EPHA5: variants seen among roughly 807,000 people sequenced by gnomAD.
EPHA5 encodes ephrin type-A receptor 5.
A neutral mutation model predicts 105.0 loss-of-function variants in EPHA5; 60 were observed. The observed-to-expected ratio is 0.57, with a 90% CI of 0.46 to 0.71. The LOEUF (loss-of-function observed/expected upper bound fraction) is 0.71, where lower values mean the gene tolerates loss of function less well. Among genes scored for constraint, EPHA5 ranks in the 30% least tolerant of loss-of-function variants. The pLI, the probability that EPHA5 is intolerant of heterozygous loss-of-function variation, is 0.00. For synonymous variants in EPHA5, 513 were observed against 449.1 expected (o/e 1.14, Z -1.80); for missense variants, 1,218 against 1,274.7 (o/e 0.96, Z 0.68).
chr4:65,530,195 A>G (rs908988090), intron 3 of EPHA5, among the ~76,000 whole-genome samples: 2 of 152,144 alleles, frequency 1.3e-5, no homozygotes, highest in Admixed American at 6.5e-5. Context: ...AAATATATGG[A>G]ACTACTGGGA....
intron 3 of EPHA5, among the ~76,000 whole-genome samples, chr4:65,545,395 CGTAT>C (rs768258633): frequency 5.7e-4 from 86 of 151,908 alleles, no homozygotes; most frequent in Non-Finnish European, 1.0e-3. Context: ...CTATGAAGAT[CGTAT>C]GTTGATGTCT....
intron 2 of EPHA5, among the ~76,000 whole-genome samples, chr4:65,608,256 C>A (rs1025279545): frequency 1.3e-5 from 2 of 152,262 alleles, no homozygotes; most frequent in South Asian, 2.1e-4. Context: ...GTAATCCCAG[C>A]ACTTTGGGAG....
In EPHA5 at chr4:65,654,936, GATATATGTATATATATCAAAGC is replaced by G. The variant is rs1382635678; in HGVS notation, c.182-11531_182-11510del. Among the ~76,000 whole-genome samples, 5 of 146,384 alleles carry G rather than the reference GATATATGTATATATATCAAAGC, an allele frequency of 3.4e-5. No individual in the cohort carries two copies. The East Asian group carries it at 1.0e-3, about 29-fold the overall frequency. On this transcript the variant is annotated intron_variant, in intron 1 of 16. Coordinates refer to ENST00000613740, the MANE Select transcript of EPHA5 (RefSeq NM_001281766.3). ...TTTTATATGTATGTATATAAGCTTTGATATATGTATATATATCAAAGCATATACCTTGAGGATCAGTTTTTTC... is the reference window on the plus strand; with the variant it reads ...TTTTATATGTATGTATATAAGCTTTGATATACCTTGAGGATCAGTTTTTTC...
chr4:65,545,445 A>G (rs1166829490), intron 3 of EPHA5, among the ~76,000 whole-genome samples: 4 of 151,968 alleles, frequency 2.6e-5, no homozygotes, highest in African/African-American at 9.7e-5. Context: ...AAAATTAAAG[A>G]AACTTGTGAT....
chr4:65,581,272 G>A (rs1741593613), intron 3 of EPHA5, among the ~76,000 whole-genome samples: 1 of 151,636 alleles, frequency 6.6e-6, no homozygotes, highest in Admixed American at 6.6e-5. Context: ...TTTTTCTCTT[G>A]GGTCTTTTTC....
intron 3 of EPHA5, among the ~76,000 whole-genome samples, chr4:65,561,477 A>G (rs1272442802): frequency 1.3e-5 from 2 of 152,104 alleles, no homozygotes; most frequent in African/African-American, 2.4e-5. Context: ...ACTGAGTGCA[A>G]TGTGCTGAGG....
At chr4:65,637,520 T>C (rs1747239342) in intron 2 of EPHA5, among the ~76,000 whole-genome samples, 2 of 147,648 alleles carry the variant, frequency 1.4e-5, no homozygotes, top group Admixed American at 1.4e-4. Context: ...AATCTTCAAA[T>C]TTTGTCTGTT....
At chr4:65,392,987 A>T (rs1326721662) in intron 8 of EPHA5, among the ~76,000 whole-genome samples, 1 of 152,214 alleles carries the variant, frequency 6.6e-6, no homozygotes, top group Non-Finnish European at 1.5e-5. Flanking sequence ...GTTAAATTCT[A>T]TGAGAATACT....
At chr4:65,437,351 GA>G (rs1276739660) in intron 5 of EPHA5, among the ~76,000 whole-genome samples, 1 of 151,922 alleles carries the variant, frequency 6.6e-6, no homozygotes, top group Non-Finnish European at 1.5e-5. Flanking sequence ...CAAGTGCTGG[GA>G]AAACTTCCCA....
intron 3 of EPHA5, among the ~76,000 whole-genome samples, chr4:65,525,454 C>A (rs1207153411): frequency 6.6e-6 from 1 of 151,460 alleles, no homozygotes; most frequent in Non-Finnish European, 1.5e-5. Flanking sequence ...GTATTTTTTT[C>A]CCCTGTCTAC....
intron 11 of EPHA5, among the ~76,000 whole-genome samples, chr4:65,358,759 C>A (rs937810048): frequency 1.9e-4 from 29 of 151,486 alleles, no homozygotes; most frequent in African/African-American, 6.5e-4. Flanking sequence ...TCAGATTGGG[C>A]AAATAAGATA....
At chr4:65,524,101 T>G (rs977110965) in intron 3 of EPHA5, among the ~76,000 whole-genome samples, 9 of 151,772 alleles carry the variant, frequency 5.9e-5, no homozygotes, top group Admixed American at 5.9e-4. Flanking sequence ...ATATTTTTTC[T>G]TTTACTATAT....
At chr4:65,626,475 C>T (rs941907225) in intron 2 of EPHA5, among the ~76,000 whole-genome samples, 2 of 151,980 alleles carry the variant, frequency 1.3e-5, no homozygotes, top group African/African-American at 4.8e-5. Flanking sequence ...TGTTGTAAAC[C>T]TTTATGAGAA....
intron 6 of EPHA5, among the ~76,000 whole-genome samples, chr4:65,415,990 T>A (rs754089077): frequency 1.3e-5 from 2 of 152,082 alleles, no homozygotes; most frequent in African/African-American, 4.8e-5. Context: ...TTCTCCATAT[T>A]ATTGAAAAAT....
intron 3 of EPHA5, among the ~76,000 whole-genome samples, chr4:65,510,030 T>C (rs1733446316): frequency 7.3e-6 from 1 of 136,620 alleles, no homozygotes; most frequent in African/African-American, 2.8e-5. Context: ...GATACATACT[T>C]CTTTTTTTTT....
intron 3 of EPHA5, among the ~76,000 whole-genome samples, chr4:65,498,669 G>C (rs1206163883): frequency 6.6e-6 from 1 of 151,768 alleles, no homozygotes; most frequent in Non-Finnish European, 1.5e-5. Flanking sequence ...AAGAGTGACT[G>C]TAAGGTATTT....
intron 16 of EPHA5, among the ~76,000 whole-genome samples, chr4:65,326,336 C>T (rs1338211703): frequency 6.6e-6 from 1 of 150,940 alleles, no homozygotes; most frequent in East Asian, 2.0e-4. Context: ...TATCATTATT[C>T]TAAGAGATGA....
rs947133416 is a variant in EPHA5, at chr4:65,574,397, A to G, written c.910+27244T>C. On this transcript the variant is annotated intron_variant, in intron 3 of 16. Coordinates refer to ENST00000613740, the MANE Select transcript of EPHA5 (RefSeq NM_001281766.3). ...TAATAATAATAAAAAATAAAAAAAT[A>G]AAAAAATACTCAAATAACTCAAATA... The G allele has an allele frequency of 1.3e-5, 9 of 709,472 alleles. No homozygotes were observed. The South Asian group carries it at 4.5e-4, about 36-fold the overall frequency. The allele number at this position is 709,472 out of a possible 1,614,324, so 43.9% of individuals were successfully genotyped here. A position where few individuals can be genotyped will look rare whatever the true frequency, so the allele number is the denominator to read the frequency against.
At chr4:65,622,551 G>A (rs974555854) in intron 2 of EPHA5, among the ~76,000 whole-genome samples, 1 of 152,052 alleles carries the variant, frequency 6.6e-6, no homozygotes, top group Non-Finnish European at 1.5e-5. Context: ...GAAAATAAAT[G>A]TAGTACTATT....
Sources: gnomAD v4.1 joint callset for allele counts (sites outside exome capture counted in the v4.1 genomes callset) on GRCh38, gnomAD v4.1.1 for gene constraint, MANE v1.5 for transcripts, NCBI Gene and HGNC (gene_info 2026-07-23, HGNC 2026-07-21) for gene names.